The following ROCK1 variants were observed in gnomAD, a reference collection of about 807,000 sequenced individuals.
The protein encoded by ROCK1 is rho-associated protein kinase 1.
In ROCK1, 36 loss-of-function variants were observed where a neutral mutation model predicts 196.8. That is an observed-to-expected ratio of 0.18 (90% CI 0.14 to 0.24). The LOEUF (loss-of-function observed/expected upper bound fraction) is 0.24, where lower values mean the gene tolerates loss of function less well. ROCK1 is among the 10% of genes least tolerant of loss of function. The pLI is 1.00. For missense variants in ROCK1, 920 were observed against 1,562.0 expected (o/e 0.59, Z 6.93); for synonymous variants, 443 against 515.9 (o/e 0.86, Z 1.91).
chr18:21,089,145 G>T (rs1179864808), intron 1 of ROCK1, among the ~76,000 whole-genome samples: 3 of 151,944 alleles, frequency 2.0e-5, no homozygotes, highest in Non-Finnish European at 4.4e-5. Flanking sequence ...GGTTCAAGAA[G>T]TTCCCCTGGT....
intron 22 of ROCK1, among the ~76,000 whole-genome samples, chr18:20,974,820 T>C (rs2035464588): frequency 6.6e-6 from 1 of 152,220 alleles, no homozygotes; most frequent in Admixed American, 6.5e-5. Context: ...TTTGAATGAA[T>C]AGATGTGGGG....
At chr18:21,082,390 T>C (rs988146066) in intron 1 of ROCK1, among the ~76,000 whole-genome samples, 1 of 152,002 alleles carries the variant, frequency 6.6e-6, no homozygotes, top group African/African-American at 2.4e-5. Flanking sequence ...AAATTACATA[T>C]CAGAGTTTAT....
intron 1 of ROCK1, among the ~76,000 whole-genome samples, chr18:21,095,497 T>C (rs2036605880): frequency 6.6e-6 from 1 of 152,124 alleles, no homozygotes; most frequent in Non-Finnish European, 1.5e-5. Flanking sequence ...ACGGTACATA[T>C]ACACAATGGG....
chr18:21,035,121 AAAAC>A lies in ROCK1; in HGVS notation c.1051+4347_1051+4350del, dbSNP rs1313884618. Among the ~76,000 whole-genome samples the A allele has an allele frequency of 1.2e-4, 18 of 152,344 alleles. No individual in the cohort carries two copies. In the South Asian group the frequency reaches 3.1e-3, roughly 26 times the overall value. On this transcript the variant is annotated intron_variant, in intron 9 of 32. Transcript: ENST00000399799. ...TAGGATGACTACTATTTAAACACAA[AAAAC>A]AAACAAACAAAACAGAAAAGAACAA...
At chr18:21,081,538 A>G (rs1292003157) in intron 1 of ROCK1, among the ~76,000 whole-genome samples, 1 of 152,186 alleles carries the variant, frequency 6.6e-6, no homozygotes, top group Non-Finnish European at 1.5e-5. Flanking sequence ...TAAATAAAAC[A>G]CAGAATAGGA....
chr18:20,983,927 T>G (rs1388692412), intron 20 of ROCK1, among the ~76,000 whole-genome samples: 1 of 152,210 alleles, frequency 6.6e-6, no homozygotes, highest in Non-Finnish European at 1.5e-5. Flanking sequence ...TGATCTTGCT[T>G]GTTCTCCATT....
intron 9 of ROCK1, among the ~76,000 whole-genome samples, chr18:21,032,009 A>G (rs1346055091): frequency 6.6e-6 from 1 of 152,210 alleles, no homozygotes; most frequent in Non-Finnish European, 1.5e-5. Context: ...CAACATACAC[A>G]TTATGGGAGT....
chr18:21,107,231 C>G (rs1283878527), intron 1 of ROCK1, among the ~76,000 whole-genome samples: 2 of 152,168 alleles, frequency 1.3e-5, no homozygotes, highest in African/African-American at 4.8e-5. Context: ...TTGAGCACTT[C>G]AAATTTCAGA....
intron 18 of ROCK1, among the ~76,000 whole-genome samples, chr18:20,987,378 T>C (rs1284530874): frequency 6.6e-6 from 1 of 152,150 alleles, no homozygotes; most frequent in Non-Finnish European, 1.5e-5. Flanking sequence ...TCGGTACCAC[T>C]TTCAGACAAG....
At chr18:20,968,304 C>G (rs957808999) in intron 25 of ROCK1, among the ~76,000 whole-genome samples, 11 of 151,874 alleles carry the variant, frequency 7.2e-5, no homozygotes, top group Admixed American at 7.2e-4. Flanking sequence ...TAACTGAAAT[C>G]CTATTTCTTT....
At position 21,045,321 on chromosome 18, in the gene ROCK1, A is replaced by G; in HGVS notation, c.561T>C (p.Asp187=). 1 of 1,611,012 alleles carries G rather than the reference A, an allele frequency of 6.2e-7. No individual in the cohort carries two copies. Among genetic ancestry groups the G allele is most frequent in the Non-Finnish European group, 8.5e-7 (1 of 1,179,196 alleles). The change falls in exon 5 of 33, where the codon GAT becomes GAC. Residue 187 remains aspartate, a synonymous_variant. Transcript: ENST00000399799. The part of the protein sequence containing the change: ...FYTAEVVLAL[D]AIHSMGFIHR... Reference sequence around the variant, plus strand: ...GAATAAAACCCATGGAATGGATTGCATCCAATGCAAGAACTACTTCTGCAG... The same window carrying G: ...GAATAAAACCCATGGAATGGATTGCGTCCAATGCAAGAACTACTTCTGCAG...
At chr18:20,958,921 TTATA>T (rs1361651412) in intron 29 of ROCK1, among the ~76,000 whole-genome samples, 2 of 96,530 alleles carry the variant, frequency 2.1e-5, no homozygotes, top group South Asian at 5.6e-4. Flanking sequence ...TTTATATATT[TTATA>T]TATATATTAT....
At position 20,966,947 on chromosome 18, in the gene ROCK1, T is replaced by G. The variant is rs765245222; in HGVS notation, c.3322A>C (p.Ser1108Arg). Residue 1108 changes from serine to arginine, a missense_variant, in exon 27 of 33, where the codon AGT (serine) becomes CGT (arginine). Ser to Arg is a moderately radical substitution (Grantham distance 110). Transcript: ENST00000399799. ...SDSTSVASFP[S>R]ADETDGNLPE... ...AGGTTACCATCAGTTTCATCAGCAC[T>G]AGGAAAACTAGCAACACTTGTAGAA... 5.0e-6 allele frequency: 8 copies of G among 1,613,382 alleles called. No individual in the cohort carries two copies. Among genetic ancestry groups the G allele is most frequent in the Non-Finnish European group, 6.8e-6 (8 of 1,179,476 alleles).
chr18:21,059,356 C>T (rs1484247723), intron 2 of ROCK1, among the ~76,000 whole-genome samples: 1 of 152,148 alleles, frequency 6.6e-6, no homozygotes, highest in Non-Finnish European at 1.5e-5. Context: ...GTATGACTCC[C>T]TTCTCTGGGA....
At chr18:20,961,484 T>G (rs1164582395) in intron 27 of ROCK1, among the ~76,000 whole-genome samples, 4 of 152,180 alleles carry the variant, frequency 2.6e-5, no homozygotes. Flanking sequence ...CTGTCATCTT[T>G]CACTTACAAA....
chr18:21,072,538 T>C (rs1037261651), intron 1 of ROCK1, among the ~76,000 whole-genome samples: 2 of 152,134 alleles, frequency 1.3e-5, no homozygotes, highest in African/African-American at 4.8e-5. Context: ...TATTCAATAC[T>C]CTGAAGTTCC....
intron 16 of ROCK1, among the ~76,000 whole-genome samples, 184 bp downstream of exon 16, chr18:21,006,167 A>T (rs959486390): frequency 6.6e-6 from 1 of 152,214 alleles, no homozygotes; most frequent in Admixed American, 6.5e-5. Flanking sequence ...CCTTGAAGAC[A>T]TTGTGCTAAG....
At chr18:20,979,372 C>G (rs2035509060) in intron 22 of ROCK1, among the ~76,000 whole-genome samples, 1 of 151,950 alleles carries the variant, frequency 6.6e-6, no homozygotes, top group African/African-American at 2.4e-5. Context: ...GCCTATAATC[C>G]CAGCACTTTG....
chr18:21,068,621 G>A (rs2036357433), intron 2 of ROCK1, among the ~76,000 whole-genome samples: 1 of 152,056 alleles, frequency 6.6e-6, no homozygotes, highest in African/African-American at 2.4e-5. Context: ...ATCTTGTTAG[G>A]TCTTCCTTAA....
Sources: allele counts gnomAD v4.1 joint callset (sites outside exome capture counted in the v4.1 genomes callset), GRCh38; gene constraint gnomAD v4.1.1; transcripts MANE v1.5; gene names NCBI Gene and HGNC (gene_info 2026-07-23, HGNC 2026-07-21).